Variants in CALN1 observed in about 807,000 individuals in gnomAD.
CALN1 encodes calcium-binding protein 8.
Under a neutral mutation model 30.6 loss-of-function variants are expected in CALN1, and 17 were observed. The observed-to-expected ratio is 0.56, with a 90% CI of 0.38 to 0.83. The LOEUF is 0.83. CALN1 is among the 40% of genes least tolerant of loss of function. The pLI is 0.00. For missense variants in CALN1, 291 were observed against 354.9 expected (o/e 0.82, Z 1.45); for synonymous variants, 156 against 131.4 (o/e 1.19, Z -1.28).
the CALN1 span, among the ~76,000 whole-genome samples, chr7:72,486,569 C>T: frequency 2.6e-5 from 4 of 152,006 alleles, no homozygotes; most frequent in Non-Finnish European, 5.9e-5. Context: ...GACTGAGTTT[C>T]ACCATGTTGG....
At chr7:72,188,656 T>G (rs1253134642) in intron 3 of CALN1, among the ~76,000 whole-genome samples, 1 of 151,992 alleles carries the variant, frequency 6.6e-6, no homozygotes, top group Non-Finnish European at 1.5e-5. Flanking sequence ...ACTAAAGAAC[T>G]TACTCACGTA....
At chr7:72,022,046 A>G (rs1409445793) in intron 5 of CALN1, among the ~76,000 whole-genome samples, 2 of 152,188 alleles carry the variant, frequency 1.3e-5, no homozygotes, top group East Asian at 1.9e-4. Flanking sequence ...GTCATGGTCA[A>G]TGACTTCCCC....
chr7:72,106,858 A>AGGGG (rs1807193749), intron 3 of CALN1, among the ~76,000 whole-genome samples: 1 of 83,152 alleles, frequency 1.2e-5, no homozygotes, highest in Non-Finnish European at 2.9e-5. Flanking sequence ...GGAGGGAAGG[A>AGGGG]AGGAGGAAGG....
chr7:71,901,176 T>A (rs1475362008), intron 5 of CALN1, among the ~76,000 whole-genome samples: 3 of 152,046 alleles, frequency 2.0e-5, no homozygotes, highest in Non-Finnish European at 2.9e-5. Context: ...ATTACCAAAA[T>A]AATAACAATA....
intron 5 of CALN1, among the ~76,000 whole-genome samples, chr7:71,936,461 A>T (rs1454901040): frequency 6.6e-6 from 1 of 151,360 alleles, no homozygotes; most frequent in Non-Finnish European, 1.5e-5. Flanking sequence ...GGCACTGTAC[A>T]CCAAGCTGGA....
At chr7:72,176,005 T>C (rs1789323638) in intron 3 of CALN1, among the ~76,000 whole-genome samples, 1 of 150,456 alleles carries the variant, frequency 6.6e-6, no homozygotes, top group Admixed American at 6.6e-5. Context: ...GCAAAAAAAA[T>C]GTATGGGAAC....
intron 3 of CALN1, among the ~76,000 whole-genome samples, chr7:72,170,164 G>A (rs1210165987): frequency 1.3e-5 from 2 of 151,962 alleles, no homozygotes; most frequent in African/African-American, 4.8e-5. Context: ...TTTACATTTT[G>A]TAGAGACAGG....
chr7:72,351,106 A>C (rs1412685510), intron 2 of CALN1, among the ~76,000 whole-genome samples: 5 of 152,194 alleles, frequency 3.3e-5, no homozygotes, highest in African/African-American at 1.2e-4. Context: ...ACGCCATTGC[A>C]CTGGGTGACA....
chr7:72,351,139 TAAAC>T (rs897522942), intron 2 of CALN1, among the ~76,000 whole-genome samples: 18 of 151,838 alleles, frequency 1.2e-4, no homozygotes, highest in South Asian at 2.1e-4. Context: ...CTCAAAAAAA[TAAAC>T]AAATAAATAA....
intron 1 of CALN1, among the ~76,000 whole-genome samples, chr7:72,434,584 G>GAGA (rs893178555): frequency 6.7e-6 from 1 of 149,704 alleles, no homozygotes; most frequent in Non-Finnish European, 1.5e-5. Context: ...GAAGAAGAAG[G>GAGA]AGAAGAAGAA....
intron 3 of CALN1, among the ~76,000 whole-genome samples, chr7:72,240,784 T>C (rs530364501): frequency 6.6e-6 from 1 of 152,334 alleles, no homozygotes; most frequent in South Asian, 2.1e-4. Flanking sequence ...CACTAATGTG[T>C]AGGGTCCATC....
At chr7:72,055,192 C>T (rs1446613250) in intron 4 of CALN1, among the ~76,000 whole-genome samples, 1 of 152,096 alleles carries the variant, frequency 6.6e-6, no homozygotes, top group Admixed American at 6.6e-5. Context: ...AAGTGGAAAT[C>T]AGAAGAGCTT....
At chr7:72,272,521 C>A (rs892582752) in intron 3 of CALN1, among the ~76,000 whole-genome samples, 3 of 152,062 alleles carry the variant, frequency 2.0e-5, no homozygotes, top group African/African-American at 7.2e-5. Context: ...GAAATCGCAC[C>A]ACTGCACTCC....
At chr7:72,361,189 A>G (rs1482729369) in intron 2 of CALN1, among the ~76,000 whole-genome samples, 1 of 152,062 alleles carries the variant, frequency 6.6e-6, no homozygotes, top group Non-Finnish European at 1.5e-5. Flanking sequence ...AATATCTCCA[A>G]ATATCCCCAA....
At chr7:71,876,174 T>C (rs972572447) in intron 5 of CALN1, among the ~76,000 whole-genome samples, 1 of 152,046 alleles carries the variant, frequency 6.6e-6, no homozygotes, top group Non-Finnish European at 1.5e-5. Context: ...CCTAAAGTAA[T>C]GGTGTTGAGA....
At chr7:72,131,432 G>T (rs1239046116) in intron 3 of CALN1, among the ~76,000 whole-genome samples, 1 of 152,160 alleles carries the variant, frequency 6.6e-6, no homozygotes, top group Non-Finnish European at 1.5e-5. Context: ...GGGGAGCTGA[G>T]CTAAATTTAT....
chr7:72,081,532 C>T (rs1287095361), intron 4 of CALN1, among the ~76,000 whole-genome samples: 2 of 151,728 alleles, frequency 1.3e-5, no homozygotes, highest in African/African-American at 4.8e-5. Flanking sequence ...AAGCAATCCT[C>T]CCTCCTCAAC....
At chr7:72,302,912 A>AAAC (rs1482812869) in intron 2 of CALN1, among the ~76,000 whole-genome samples, 3 of 150,082 alleles carry the variant, frequency 2.0e-5, no homozygotes, top group Admixed American at 6.6e-5. Context: ...AAAAAAAAAA[A>AAAC]AAAAACGAAA....
intron 5 of CALN1, among the ~76,000 whole-genome samples, chr7:71,831,001 G>A (rs73362104): frequency 0.036 from 5,528 of 151,978 alleles, 346 homozygotes; most frequent in African/African-American, 0.13. Context: ...CAGCTGTTCC[G>A]GAAAATAAAA....
Sources: allele counts gnomAD v4.1 joint callset (sites outside exome capture counted in the v4.1 genomes callset), GRCh38; gene constraint gnomAD v4.1.1; transcripts MANE v1.5; gene names NCBI Gene and HGNC (gene_info 2026-07-23, HGNC 2026-07-21).